Variants in TRHDE observed in about 807,000 individuals in gnomAD.
The protein encoded by TRHDE is thyrotropin releasing hormone degrading enzyme, also known as thyrotropin-releasing hormone-degrading ectoenzyme.
In TRHDE, 72 loss-of-function variants were observed where a neutral mutation model predicts 125.7. That is an observed-to-expected ratio of 0.57 (90% confidence interval 0.47 to 0.70). The LOEUF (loss-of-function observed/expected upper bound fraction) is 0.70, where lower values mean the gene tolerates loss of function less well. Ranked by LOEUF, TRHDE falls within the 30% of genes least tolerant of loss-of-function variation. The pLI, the probability that TRHDE is intolerant of heterozygous loss-of-function variation, is 0.00. For synonymous variants in TRHDE, 509 were observed against 509.1 expected, an observed-to-expected ratio of 1.00 and a Z score of 0.00; for missense variants, 1,110 against 1,327.1, an observed-to-expected ratio of 0.84 and a Z score of 2.54.
intron 15 of TRHDE, among the ~76,000 whole-genome samples, chr12:72,640,471 C>T (rs1052953897): frequency 1.3e-5 from 2 of 152,224 alleles, no homozygotes; most frequent in Non-Finnish European, 2.9e-5. Flanking sequence ...TCTTCTGCAT[C>T]GCTCACACTG....
intron 2 of TRHDE, among the ~76,000 whole-genome samples, chr12:72,181,913 C>T (rs1410896523): frequency 1.3e-5 from 2 of 152,144 alleles, no homozygotes; most frequent in African/African-American, 4.8e-5. Flanking sequence ...TTATAGTTTG[C>T]TCAATGGCAA....
At chr12:72,337,687 TC>T (rs1003694227) in intron 2 of TRHDE, among the ~76,000 whole-genome samples, 4 of 152,034 alleles carry the variant, frequency 2.6e-5, no homozygotes, top group African/African-American at 9.7e-5. Flanking sequence ...TCTGCATTAT[TC>T]CCAAACTGCT....
In TRHDE at chr12:72,652,496, C is replaced by T. The variant is rs766741469; in HGVS notation, c.2843+7C>T. ...ACAGGAATTTATTAAACAGGTAGGCCGACTGATTTTCTAAATGTGTTTCTC... is the reference window on the plus strand; with the variant it reads ...ACAGGAATTTATTAAACAGGTAGGCTGACTGATTTTCTAAATGTGTTTCTC... On this transcript the variant is annotated splice_region_variant and intron_variant, in intron 16 of 18. Coordinates refer to ENST00000261180, the MANE Select transcript of TRHDE (RefSeq NM_013381.3). The T allele has an allele frequency of 1.0e-5, 16 of 1,573,748 alleles. No individual in the cohort carries two copies. Among genetic ancestry groups the T allele is most frequent in the East Asian group, 7.0e-5 (3 of 42,744 alleles).
intron 2 of TRHDE, among the ~76,000 whole-genome samples, chr12:72,212,488 G>C (rs960729637): frequency 6.6e-6 from 1 of 152,076 alleles, no homozygotes; most frequent in Admixed American, 6.6e-5. Context: ...CTTGTATCCA[G>C]ATTACATAAG....
At chr12:72,219,265 C>T (rs769244162) in intron 2 of TRHDE, among the ~76,000 whole-genome samples, 4 of 151,656 alleles carry the variant, frequency 2.6e-5, no homozygotes, top group Non-Finnish European at 5.9e-5. Flanking sequence ...TTGCCAGTGG[C>T]CAAAACTGTT....
intron 2 of TRHDE, among the ~76,000 whole-genome samples, chr12:72,197,142 G>A (rs1250121800): frequency 1.3e-5 from 2 of 152,042 alleles, no homozygotes; most frequent in African/African-American, 4.8e-5. Flanking sequence ...GTAAGCTGCT[G>A]TGCCATCACA....
chr12:72,512,766 C>G (rs866626835), intron 6 of TRHDE, among the ~76,000 whole-genome samples: 6 of 149,852 alleles, frequency 4.0e-5, no homozygotes, highest in Non-Finnish European at 8.9e-5. Flanking sequence ...AAGCAGGCAA[C>G]TATAATCAAG....
At chr12:72,171,141 C>T (rs909255693) in intron 2 of TRHDE, among the ~76,000 whole-genome samples, 7 of 152,092 alleles carry the variant, frequency 4.6e-5, no homozygotes, top group Non-Finnish European at 1.0e-4. Flanking sequence ...GTGCTCTTCT[C>T]TCAGTTTCCT....
chr12:72,166,146 A>G (rs1194401958), intron 2 of TRHDE, among the ~76,000 whole-genome samples: 1 of 152,158 alleles, frequency 6.6e-6, no homozygotes, highest in Admixed American at 6.5e-5. Flanking sequence ...ACTGTAAGCA[A>G]TTGTAATGCC....
At chr12:72,160,149 T>C (rs1368913780) in intron 2 of TRHDE, among the ~76,000 whole-genome samples, 3 of 152,198 alleles carry the variant, frequency 2.0e-5, no homozygotes, top group Admixed American at 1.3e-4. Flanking sequence ...TCTCTGGTTA[T>C]GTTACATACC....
chr12:72,583,103 G>A (rs570272206), intron 12 of TRHDE, among the ~76,000 whole-genome samples: 2 of 152,258 alleles, frequency 1.3e-5, no homozygotes, highest in African/African-American at 2.4e-5. Flanking sequence ...TGAGAGTGGC[G>A]TCCATGTATG....
chr12:72,536,067 C>T (rs1165562253), intron 6 of TRHDE, among the ~76,000 whole-genome samples: 2 of 152,214 alleles, frequency 1.3e-5, no homozygotes, highest in African/African-American at 2.4e-5. Flanking sequence ...TTCTTAACTT[C>T]TCTTGTGCTG....
intron 1 of TRHDE, among the ~76,000 whole-genome samples, chr12:72,100,814 A>T (rs1382597444): frequency 6.6e-6 from 1 of 152,066 alleles, no homozygotes; most frequent in Non-Finnish European, 1.5e-5. Flanking sequence ...TGGGTCATTG[A>T]CCCCCTCACA....
chr12:72,643,736 A>T (rs182124837), intron 15 of TRHDE, among the ~76,000 whole-genome samples: 1 of 152,224 alleles, frequency 6.6e-6, no homozygotes, highest in Admixed American at 6.5e-5. Flanking sequence ...ATGTCCTTTT[A>T]ACTCACCCAG....
intron 10 of TRHDE, among the ~76,000 whole-genome samples, chr12:72,569,383 T>C (rs1258408349): frequency 6.6e-6 from 1 of 152,208 alleles, no homozygotes; most frequent in Non-Finnish European, 1.5e-5. Context: ...GATAGTCAAG[T>C]GTGCCCAGAT....
chr12:72,524,188 A>G (rs1335659081), intron 6 of TRHDE, among the ~76,000 whole-genome samples: 1 of 152,172 alleles, frequency 6.6e-6, no homozygotes, highest in African/African-American at 2.4e-5. Context: ...GGTTTGATGA[A>G]ACTTTAATCA....
chr12:72,180,219 T>G (rs1327951365), intron 2 of TRHDE, among the ~76,000 whole-genome samples: 1 of 152,116 alleles, frequency 6.6e-6, no homozygotes, highest in Non-Finnish European at 1.5e-5. Context: ...TTATATATTT[T>G]AAAGCAGTTT....
At chr12:72,581,783 C>A (rs1871238982) in intron 12 of TRHDE, among the ~76,000 whole-genome samples, 1 of 151,992 alleles carries the variant, frequency 6.6e-6, no homozygotes, top group Non-Finnish European at 1.5e-5. Flanking sequence ...GGACCTGTGT[C>A]TAGAGATTAT....
chr12:72,503,819 A>G (rs1311115093), intron 6 of TRHDE, among the ~76,000 whole-genome samples: 1 of 152,136 alleles, frequency 6.6e-6, no homozygotes, highest in Non-Finnish European at 1.5e-5. Flanking sequence ...ATCCAATAGA[A>G]GCTATATCTG....
Sources: gnomAD v4.1 joint callset for allele counts (sites outside exome capture counted in the v4.1 genomes callset) on GRCh38, gnomAD v4.1.1 for gene constraint, MANE v1.5 for transcripts, NCBI Gene and HGNC (gene_info 2026-07-23, HGNC 2026-07-21) for gene names.